Variants in SYN3 observed in about 807,000 individuals in gnomAD.
SYN3 encodes the protein synapsin III.
A neutral mutation model predicts 65.8 loss-of-function variants in SYN3; 35 were observed. The ratio of observed to expected loss-of-function variants is 0.53; its 90% CI spans 0.41 to 0.70. SYN3 has a LOEUF of 0.70. SYN3 is among the 30% of genes least tolerant of loss of function. The pLI, the probability that SYN3 is intolerant of heterozygous loss-of-function variation, is 0.00. For synonymous variants in SYN3, 270 were observed against 292.9 expected, an observed-to-expected ratio of 0.92 and a Z score of 0.80; for missense variants, 680 against 749.0, an observed-to-expected ratio of 0.91 and a Z score of 1.08.
intron 6 of SYN3, among the ~76,000 whole-genome samples, chr22:32,773,486 G>A (rs1360359836): frequency 6.6e-6 from 1 of 151,698 alleles, no homozygotes; most frequent in African/African-American, 2.4e-5. Flanking sequence ...TTGCTGGCTG[G>A]GGACAAAGAT....
chr22:32,959,368 C>T (rs766213608), intron 3 of SYN3, among the ~76,000 whole-genome samples: 2 of 151,878 alleles, frequency 1.3e-5, no homozygotes, highest in African/African-American at 4.8e-5. Context: ...TGCCCAGTCT[C>T]GGGTATGTCT....
rs187709739 is a variant in SYN3, at chr22:32,528,750, C to T, written c.1230+124G>A. 3.6e-6 allele frequency: 5 copies of T among 1,372,058 alleles called. No homozygotes were observed. The African/African-American group carries it at 7.2e-5, about 20-fold the overall frequency. 85.0% of individuals were successfully genotyped at this position (1,372,058 alleles called of 1,614,324 possible). On this transcript the variant is annotated intron_variant, in intron 11 of 13. Coordinates refer to ENST00000358763, the MANE Select transcript of SYN3 (RefSeq NM_003490.4). ...AATGTCTGGCCTTCGTCCACACCCC[C>T]ATTCCTTCTCCCCAAGGTGGTTTCT...
chr22:32,912,360 G>A (rs1011423607), intron 4 of SYN3, among the ~76,000 whole-genome samples: 2 of 151,794 alleles, frequency 1.3e-5, no homozygotes, highest in Admixed American at 1.3e-4. Context: ...GGAAAGAAGA[G>A]ATGAAGATTG....
chr22:33,054,669 C>T (rs2054227261), intron 1 of SYN3, among the ~76,000 whole-genome samples: 1 of 152,172 alleles, frequency 6.6e-6, no homozygotes, highest in African/African-American at 2.4e-5. Flanking sequence ...CACTATGTAA[C>T]CTTTTGTGTC....
At chr22:32,703,293 G>C (rs1164593709) in intron 6 of SYN3, among the ~76,000 whole-genome samples, 2 of 152,096 alleles carry the variant, frequency 1.3e-5, no homozygotes, top group Non-Finnish European at 2.9e-5. Context: ...ATTAAATCTG[G>C]TATTATACAC....
chr22:32,887,944 T>G (rs895742144), intron 4 of SYN3, among the ~76,000 whole-genome samples: 1 of 152,204 alleles, frequency 6.6e-6, no homozygotes, highest in African/African-American at 2.4e-5. Context: ...CCAAAGAGGC[T>G]GCACCACGTC....
At chr22:32,981,145 G>A (rs942803933) in intron 2 of SYN3, among the ~76,000 whole-genome samples, 4 of 151,002 alleles carry the variant, frequency 2.6e-5, no homozygotes, top group South Asian at 2.1e-4. Flanking sequence ...GTGAGCCACC[G>A]CGCCTGGCCG....
chr22:32,542,764 G>A (rs908864480), intron 7 of SYN3, among the ~76,000 whole-genome samples: 5 of 151,858 alleles, frequency 3.3e-5, no homozygotes, highest in Non-Finnish European at 5.9e-5. Flanking sequence ...AGGTGTCCTG[G>A]GCTTGGGGAG....
chr22:32,897,227 C>T (rs2049619464), intron 4 of SYN3, among the ~76,000 whole-genome samples: 1 of 152,158 alleles, frequency 6.6e-6, no homozygotes, highest in Non-Finnish European at 1.5e-5. Flanking sequence ...TGCCGGCAGA[C>T]CTGTTGTTTT....
chr22:32,750,154 A>C (rs1465610614), intron 6 of SYN3, among the ~76,000 whole-genome samples: 1 of 152,250 alleles, frequency 6.6e-6, no homozygotes, highest in Non-Finnish European at 1.5e-5. Context: ...ATACATCACT[A>C]TATTGTATGT....
chr22:32,531,068 C>G (rs528391783), intron 10 of SYN3, among the ~76,000 whole-genome samples: 1 of 149,558 alleles, frequency 6.7e-6, no homozygotes, highest in East Asian at 2.0e-4. Flanking sequence ...GTTTCCCTCC[C>G]GCCTGGGTTT....
chr22:32,773,412 A>G (rs979056594), intron 6 of SYN3, among the ~76,000 whole-genome samples: 1 of 15,882 alleles, frequency 6.3e-5, no homozygotes, highest in Non-Finnish European at 1.2e-4. Context: ...GTCTCAAAAA[A>G]AAAAAAAAAA....
chr22:32,832,875 G>C (rs1402528452), intron 6 of SYN3, among the ~76,000 whole-genome samples: 1 of 151,852 alleles, frequency 6.6e-6, no homozygotes, highest in Non-Finnish European at 1.5e-5. Flanking sequence ...CTACAGGTAC[G>C]TACTACCATT....
At chr22:33,052,972 T>C (rs1487642075) in intron 1 of SYN3, among the ~76,000 whole-genome samples, 1 of 152,140 alleles carries the variant, frequency 6.6e-6, no homozygotes, top group African/African-American at 2.4e-5. Context: ...GTGTACAGAG[T>C]GTGGCAACCA....
intron 3 of SYN3, among the ~76,000 whole-genome samples, chr22:32,963,001 G>GTA (rs1293439404): frequency 6.7e-6 from 1 of 149,840 alleles, no homozygotes; most frequent in Admixed American, 6.7e-5. Flanking sequence ...GTATGTATAT[G>GTA]TATATATACA....
intron 7 of SYN3, among the ~76,000 whole-genome samples, chr22:32,587,434 C>T (rs944472129): frequency 1.3e-5 from 2 of 152,126 alleles, no homozygotes; most frequent in African/African-American, 4.8e-5. Context: ...GGTGCCTCTT[C>T]TCTGCTCACT....
At chr22:32,927,823 T>G (rs985084549) in intron 4 of SYN3, among the ~76,000 whole-genome samples, 2 of 152,212 alleles carry the variant, frequency 1.3e-5, no homozygotes, top group African/African-American at 4.8e-5. Context: ...TCTGTAAATG[T>G]TTTTATTTTG....
At chr22:32,587,174 A>T (rs1028346010) in intron 7 of SYN3, among the ~76,000 whole-genome samples, 6 of 148,430 alleles carry the variant, frequency 4.0e-5, no homozygotes, top group African/African-American at 1.5e-4. Flanking sequence ...GTGAGCCGAG[A>T]TCACACCACT....
At chr22:32,709,188 G>A (rs1159747809) in intron 6 of SYN3, among the ~76,000 whole-genome samples, 1 of 152,208 alleles carries the variant, frequency 6.6e-6, no homozygotes, top group African/African-American at 2.4e-5. Context: ...TCCAGGATGA[G>A]ACAGACAACA....
Sources: allele counts gnomAD v4.1 joint callset (sites outside exome capture counted in the v4.1 genomes callset), GRCh38; gene constraint gnomAD v4.1.1; transcripts MANE v1.5; gene names NCBI Gene and HGNC (gene_info 2026-07-23, HGNC 2026-07-21).